The following NLGN1 variants were observed in gnomAD, a reference collection of about 807,000 sequenced individuals.
NLGN1 encodes neuroligin-1.
NLGN1 carries 12 observed loss-of-function variants against 65.5 expected under a neutral mutation model. The ratio of observed to expected loss-of-function variants is 0.18; its 90% CI spans 0.12 to 0.30. The LOEUF is 0.30. Among genes scored for constraint, NLGN1 ranks in the 10% least tolerant of loss-of-function variants. NLGN1 has a pLI of 1.00. For synonymous variants in NLGN1, 350 were observed against 359.5 expected (o/e 0.97, Z 0.30); for missense variants, 750 against 1,007.1 (o/e 0.74, Z 3.46).
chr3:173,714,932 C>T (rs902613370), intron 3 of NLGN1, among the ~76,000 whole-genome samples: 2 of 152,068 alleles, frequency 1.3e-5, no homozygotes, highest in African/African-American at 4.8e-5. Flanking sequence ...AGAATAAACA[C>T]AAGAGCTTAG....
chr3:173,767,590 G>A (rs1007977295), intron 3 of NLGN1, among the ~76,000 whole-genome samples: 12 of 151,944 alleles, frequency 7.9e-5, no homozygotes, highest in South Asian at 2.1e-4. Flanking sequence ...ACCTTTTCAC[G>A]ACAAATGTAT....
At chr3:174,005,691 A>T (rs974230895) in intron 4 of NLGN1, among the ~76,000 whole-genome samples, 1 of 151,684 alleles carries the variant, frequency 6.6e-6, no homozygotes, top group African/African-American at 2.4e-5. Context: ...TGCCACCTTA[A>T]TTGAACTTTT....
intron 3 of NLGN1, among the ~76,000 whole-genome samples, chr3:173,716,231 A>C (rs945212716): frequency 1.3e-5 from 2 of 152,156 alleles, no homozygotes; most frequent in Non-Finnish European, 2.9e-5. Flanking sequence ...CTAATCTGTG[A>C]ATTTAAACTA....
At chr3:173,424,416 C>G (rs1715715550) in intron 1 of NLGN1, among the ~76,000 whole-genome samples, 1 of 152,200 alleles carries the variant, frequency 6.6e-6, no homozygotes, top group Non-Finnish European at 1.5e-5. Flanking sequence ...ACCACATGGT[C>G]AGGCTGCAAA....
intron 2 of NLGN1, among the ~76,000 whole-genome samples, chr3:173,557,057 T>TC (rs2149282211): frequency 6.6e-6 from 1 of 152,268 alleles, no homozygotes; most frequent in African/African-American, 2.4e-5. Flanking sequence ...ACTCATTCTA[T>TC]CAGTCACTGA....
intron 2 of NLGN1, among the ~76,000 whole-genome samples, chr3:173,487,812 T>G (rs769587734): frequency 1.3e-5 from 2 of 152,076 alleles, no homozygotes; most frequent in Non-Finnish European, 2.9e-5. Context: ...CTTCATTCCT[T>G]TCTTGAAATA....
At chr3:174,158,200 T>A (rs1577143304) in intron 4 of NLGN1, among the ~76,000 whole-genome samples, 1 of 151,774 alleles carries the variant, frequency 6.6e-6, no homozygotes, top group East Asian at 1.9e-4. Flanking sequence ...CTCCTTTTAT[T>A]TTCATGTGCT....
At position 173,823,046 on chromosome 3, in the gene NLGN1, G is replaced by A. The variant is rs140739924; in HGVS notation, c.646+15214G>A. 1.2e-3 allele frequency among the ~76,000 whole-genome samples: 185 copies of A among 152,040 alleles called. 1 individual carries two copies. Among genetic ancestry groups the A allele is most frequent in the African/African-American group, 4.3e-3 (180 of 41,530 alleles). On this transcript the variant is annotated intron_variant, in intron 4 of 6. Transcript: ENST00000457714. ...TATATGACTCAAGTGGCATACAGTA[G>A]ATGTCAGTGGAAATTCCTAGTTGCA...
At chr3:173,921,190 C>A (rs1741937069) in intron 4 of NLGN1, among the ~76,000 whole-genome samples, 1 of 119,652 alleles carries the variant, frequency 8.4e-6, no homozygotes, top group East Asian at 2.4e-4. Context: ...ATTATATATA[C>A]AATATATATG....
At chr3:173,999,004 A>G (rs1320181082) in intron 4 of NLGN1, among the ~76,000 whole-genome samples, 2 of 152,188 alleles carry the variant, frequency 1.3e-5, no homozygotes, top group Non-Finnish European at 2.9e-5. Context: ...CACACCAACA[A>G]AGGAAACACA....
intron 1 of NLGN1, among the ~76,000 whole-genome samples, chr3:173,422,217 C>T (rs1172482829): frequency 6.6e-6 from 1 of 152,060 alleles, no homozygotes; most frequent in Non-Finnish European, 1.5e-5. Flanking sequence ...TTGTCATATG[C>T]AGCAACATGA....
intron 3 of NLGN1, among the ~76,000 whole-genome samples, chr3:173,702,592 C>A (rs568773467): frequency 1.3e-5 from 2 of 152,254 alleles, no homozygotes; most frequent in South Asian, 2.1e-4. Flanking sequence ...AAAAGAACAT[C>A]ATATGATTTT....
At chr3:174,291,294 C>T (rs780121327), downstream of NLGN1, among the ~76,000 whole-genome samples, 1 of 150,462 alleles carries the variant, frequency 6.6e-6, no homozygotes, top group African/African-American at 2.4e-5. Flanking sequence ...AAAAGAAAAC[C>T]AAAACAAGGA....
At chr3:174,169,364 T>A (rs1728108152) in intron 4 of NLGN1, among the ~76,000 whole-genome samples, 1 of 152,018 alleles carries the variant, frequency 6.6e-6, no homozygotes, top group Admixed American at 6.5e-5. Context: ...CCCAGGCTGG[T>A]CAACCAGGTG....
At chr3:173,420,318 C>T (rs1714789372) in intron 1 of NLGN1, among the ~76,000 whole-genome samples, 2 of 142,550 alleles carry the variant, frequency 1.4e-5, no homozygotes, top group Non-Finnish European at 3.1e-5. Context: ...TGAGTGAGAA[C>T]ATGCGGTGTT....
chr3:174,045,067 A>C (rs745531129), intron 4 of NLGN1, among the ~76,000 whole-genome samples: 4 of 152,082 alleles, frequency 2.6e-5, no homozygotes, highest in Non-Finnish European at 4.4e-5. Context: ...CTAATACACC[A>C]TCCAAACTGT....
chr3:173,931,123 G>A (rs973124543), intron 4 of NLGN1, among the ~76,000 whole-genome samples: 8 of 151,966 alleles, frequency 5.3e-5, no homozygotes, highest in African/African-American at 1.9e-4. Flanking sequence ...TACATTCATT[G>A]CTTCTATTAG....
At chr3:173,953,436 G>A (rs1402649775) in intron 4 of NLGN1, among the ~76,000 whole-genome samples, 1 of 152,316 alleles carries the variant, frequency 6.6e-6, no homozygotes, top group African/African-American at 2.4e-5. Flanking sequence ...TTTTAGAGCT[G>A]CTTGTTATCC....
chr3:174,114,117 G>C (rs2152625897), intron 4 of NLGN1, among the ~76,000 whole-genome samples: 1 of 152,228 alleles, frequency 6.6e-6, no homozygotes, highest in South Asian at 2.1e-4. Flanking sequence ...AACTCCTCTT[G>C]TGTGACAGAA....
Sources: allele counts gnomAD v4.1 joint callset (sites outside exome capture counted in the v4.1 genomes callset), GRCh38; gene constraint gnomAD v4.1.1; transcripts MANE v1.5; gene names NCBI Gene and HGNC (gene_info 2026-07-23, HGNC 2026-07-21).